The following FHIT variants were observed in gnomAD, a reference collection of about 807,000 sequenced individuals.
The protein encoded by FHIT is fragile histidine triad diadenosine triphosphatase, also known as bis(5'-adenosyl)-triphosphatase.
In FHIT, 19 loss-of-function variants were observed where a neutral mutation model predicts 17.9. The observed-to-expected ratio is 1.06, with a 90% confidence interval of 0.74 to 1.56. The LOEUF (loss-of-function observed/expected upper bound fraction) is 1.56. Ranked by LOEUF, FHIT falls within the 40% of genes most tolerant of loss-of-function variation. The pLI, the probability that FHIT is intolerant of heterozygous loss-of-function variation, is 0.00. For synonymous variants in FHIT, 81 were observed against 69.7 expected (o/e 1.16, Z -0.81); for missense variants, 248 against 189.2 (o/e 1.31, Z -1.82).
At chr3:60,593,220 T>C (rs950593523) in intron 4 of FHIT, among the ~76,000 whole-genome samples, 1 of 152,148 alleles carries the variant, frequency 6.6e-6, no homozygotes, top group Non-Finnish European at 1.5e-5. Context: ...TAACACCACA[T>C]ACAAGACTGC....
chr3:60,838,689 A>C (rs540324476), intron 3 of FHIT, among the ~76,000 whole-genome samples: 1 of 152,264 alleles, frequency 6.6e-6, no homozygotes, highest in African/African-American at 2.4e-5. Flanking sequence ...ACATGTAGGA[A>C]GAGCTAAAAA....
At chr3:61,167,817 G>T (rs1336093492) in intron 2 of FHIT, among the ~76,000 whole-genome samples, 1 of 152,052 alleles carries the variant, frequency 6.6e-6, no homozygotes, top group Admixed American at 6.5e-5. Context: ...CAGGGTTTTG[G>T]CATAATTTAT....
At chr3:59,918,420 G>C (rs1261760808) in intron 8 of FHIT, among the ~76,000 whole-genome samples, 1 of 152,156 alleles carries the variant, frequency 6.6e-6, no homozygotes, top group East Asian at 1.9e-4. Flanking sequence ...AGAGGGGACA[G>C]AGGATTAACT....
At chr3:60,431,602 A>C (rs573892605) in intron 5 of FHIT, among the ~76,000 whole-genome samples, 1 of 152,254 alleles carries the variant, frequency 6.6e-6, no homozygotes, top group Non-Finnish European at 1.5e-5. Context: ...TTACTGGTGA[A>C]GGACGAAGGC....
chr3:60,236,039 T>C (rs1257716704), intron 5 of FHIT, among the ~76,000 whole-genome samples: 2 of 151,978 alleles, frequency 1.3e-5, no homozygotes, highest in African/African-American at 4.8e-5. Context: ...CTGCTGCACG[T>C]AGTTCTCACA....
At position 60,092,989 on chromosome 3, in the gene FHIT, C is replaced by T. The variant is rs1350291493; in HGVS notation, c.104-78837G>A. Among the ~76,000 whole-genome samples, 4 of 152,322 alleles carry T rather than the reference C, an allele frequency of 2.6e-5. No homozygotes were observed. The East Asian group carries it at 7.7e-4, about 29-fold the overall frequency. On this transcript the variant is annotated intron_variant, in intron 5 of 9. Coordinates refer to ENST00000492590, the MANE Select transcript of FHIT (RefSeq NM_002012.4). ...AATTCCAAATGGAAGAAAAATTCCA[C>T]TTCATGCTCAAACACCATGAACTTC...
At chr3:59,984,214 C>A (rs141123233) in intron 7 of FHIT, among the ~76,000 whole-genome samples, 123 of 152,128 alleles carry the variant, frequency 8.1e-4, no homozygotes, top group Non-Finnish European at 1.3e-3. Context: ...ATGCCTTAGA[C>A]TGAATTTCTC....
intron 5 of FHIT, among the ~76,000 whole-genome samples, chr3:60,494,268 C>T (rs2034196398): frequency 6.6e-6 from 1 of 152,136 alleles, no homozygotes; most frequent in South Asian, 2.1e-4. Flanking sequence ...ATGACTTTGC[C>T]AATTCTGGAT....
intron 5 of FHIT, among the ~76,000 whole-genome samples, chr3:60,017,529 C>T (rs1478015610): frequency 3.9e-5 from 6 of 152,234 alleles, no homozygotes; most frequent in Admixed American, 3.3e-4. Context: ...GGTTGTCAGA[C>T]ACACTGAATC....
At chr3:61,067,022 G>A (rs1025309960) in intron 2 of FHIT, among the ~76,000 whole-genome samples, 1 of 152,142 alleles carries the variant, frequency 6.6e-6, no homozygotes, top group Admixed American at 6.5e-5. Flanking sequence ...GCGTGGGCTG[G>A]GAAGCCTTCT....
intron 5 of FHIT, among the ~76,000 whole-genome samples, chr3:60,433,271 T>C (rs114507927): frequency 1.3e-5 from 2 of 151,940 alleles, no homozygotes; most frequent in East Asian, 1.9e-4. Flanking sequence ...TATATATATG[T>C]GGGGGGTGTA....
chr3:59,859,632 T>C (rs145015602), intron 8 of FHIT, among the ~76,000 whole-genome samples: 6,317 of 152,224 alleles, frequency 0.041, 458 homozygotes, highest in African/African-American at 0.14. Context: ...GGCAGGAGAA[T>C]TGCTTAGAAG....
intron 2 of FHIT, among the ~76,000 whole-genome samples, chr3:61,179,851 T>C (rs2038284259): frequency 6.6e-6 from 1 of 151,906 alleles, no homozygotes; most frequent in Non-Finnish European, 1.5e-5. Context: ...CATCAGAGTG[T>C]CATGTTCTAC....
intron 5 of FHIT, among the ~76,000 whole-genome samples, chr3:60,065,895 C>T (rs1489139768): frequency 6.6e-6 from 1 of 152,236 alleles, no homozygotes; most frequent in Non-Finnish European, 1.5e-5. Context: ...CTCTCCCTTT[C>T]TTCCTACCGT....
chr3:60,672,870 G>A (rs1255013828), intron 4 of FHIT, among the ~76,000 whole-genome samples: 1 of 16,188 alleles, frequency 6.2e-5, no homozygotes, highest in African/African-American at 1.8e-4. Context: ...ATACCTCTTT[G>A]TAGCGTGTGT....
intron 2 of FHIT, among the ~76,000 whole-genome samples, chr3:61,190,104 C>A (rs199743650): frequency 0.011 from 1,682 of 148,660 alleles, 1 homozygote; most frequent in East Asian, 0.02. Flanking sequence ...TAAACTAAAG[C>A]ACTTCTGCAC....
chr3:60,524,097 C>G (rs1248583166), intron 5 of FHIT, among the ~76,000 whole-genome samples: 2 of 152,040 alleles, frequency 1.3e-5, no homozygotes, highest in African/African-American at 4.8e-5. Flanking sequence ...TACTGAACAC[C>G]TCCTATGAGC....
At chr3:60,107,696 C>T (rs1208749894) in intron 5 of FHIT, among the ~76,000 whole-genome samples, 3 of 152,154 alleles carry the variant, frequency 2.0e-5, no homozygotes, top group Non-Finnish European at 4.4e-5. Flanking sequence ...CAAGGAATAG[C>T]TTAAGTTTCA....
In FHIT at chr3:59,900,592, G is replaced by A. The variant is rs576956577; in HGVS notation, c.348+21754C>T. Among the ~76,000 whole-genome samples, 8 of 152,194 alleles carry A rather than the reference G, an allele frequency of 5.3e-5. No individual in the cohort carries two copies. In the South Asian group the frequency reaches 1.7e-3, roughly 32 times the overall value. On this transcript the variant is annotated intron_variant, in intron 8 of 9. Coordinates refer to ENST00000492590, the MANE Select transcript of FHIT (RefSeq NM_002012.4). The stretch of plus-strand genomic sequence containing the variant: ...TATATCCCAAGACGGGGTGGCTCCT[G>A]TTGTAGGCCACATATGTTTGGTTGT...
Sources: gnomAD v4.1 joint callset for allele counts (sites outside exome capture counted in the v4.1 genomes callset) on GRCh38, gnomAD v4.1.1 for gene constraint, MANE v1.5 for transcripts, NCBI Gene and HGNC (gene_info 2026-07-23, HGNC 2026-07-21) for gene names.